The following CDHR1 variants were observed in gnomAD, a reference collection of about 807,000 sequenced individuals.
CDHR1 encodes the protein cadherin related family member 1.
A neutral mutation model predicts 72.1 loss-of-function variants in CDHR1; 61 were observed. The ratio of observed to expected loss-of-function variants is 0.85; its 90% CI spans 0.69 to 1.05. CDHR1 has a LOEUF of 1.05. CDHR1 is among the 50% of genes least tolerant of loss of function. CDHR1 has a pLI of 0.00. For synonymous variants in CDHR1, 470 were observed against 448.1 expected (o/e 1.05, Z -0.62); for missense variants, 1,186 against 1,115.7 (o/e 1.06, Z -0.90).
intron 10 of CDHR1, 81 bp downstream of exon 10, chr10:84,206,008 T>C: frequency 9.7e-7 from 1 of 1,028,846 alleles, no homozygotes; most frequent in East Asian, 2.4e-5. Context: ...AGGCCCTTTT[T>C]CCTGGGGCCC....
chr10:84,219,060 T>A (rs1361890728), downstream of CDHR1: 4 of 851,974 alleles, frequency 4.7e-6, no homozygotes, highest in Non-Finnish European at 7.4e-6. Flanking sequence ...TAATGTACTA[T>A]TATTATTCTA....
chr10:84,195,355 G>T (rs576062038), intron 1 of CDHR1, 139 bp from the exon 2 acceptor site: 2 of 798,884 alleles, frequency 2.5e-6, no homozygotes, highest in East Asian at 2.7e-5. Flanking sequence ...GGGTCCCTCG[G>T]TGCACTTGGG....
chr10:84,204,911 A>C (rs1434212706), intron 9 of CDHR1, among the ~76,000 whole-genome samples: 5 of 152,162 alleles, frequency 3.3e-5, no homozygotes, highest in Admixed American at 3.3e-4. Context: ...AACATTTCTC[A>C]CACTTTTTAA....
chr10:84,212,999 A>G, intron 15 of CDHR1, 92 bp from the exon 16 acceptor site: 1 of 1,519,236 alleles, frequency 6.6e-7, no homozygotes, highest in Non-Finnish European at 9.1e-7. Context: ...TTTCCCATCA[A>G]CCCAGCAAGC....
rs1842463244 is a variant in CDHR1, at chr10:84,218,635, GC to G, written c.*4016del. 1.0e-6 allele frequency: 1 copy of G among 985,724 alleles called. No homozygotes were observed. Among genetic ancestry groups the G allele is most frequent in the African/African-American group, 1.7e-5 (1 of 57,246 alleles). 61.1% of individuals were successfully genotyped at this position (985,724 alleles called of 1,614,324 possible). Reference sequence around the variant, plus strand: ...AATGTCTCCTCAATCAAAGGCATTTGCCTTAAACTTGTATGGTCTAAACTCT... The same window carrying G: ...AATGTCTCCTCAATCAAAGGCATTTGCTTAAACTTGTATGGTCTAAACTCT... On this transcript the variant is annotated 3_prime_UTR_variant, in exon 17 of 17. Coordinates refer to ENST00000623527, the MANE Select transcript of CDHR1 (RefSeq NM_033100.4).
At position 84,212,324 on chromosome 10, in the gene CDHR1, C is replaced by A; in HGVS notation, c.1699C>A (p.Leu567Met). Residue 567 changes from leucine to methionine, a missense_variant, in exon 15 of 17, where the codon CTG becomes ATG. Transcript: ENST00000623527. The stretch of plus-strand genomic sequence containing the variant: ...CGTAGCTGAGGTGTTTATCACACTG[C>A]TGGATGTCAATGACCACCCCCCTCA... ...YSVAEVFITL[L>M]DVNDHPPQFG... 6.2e-7 allele frequency: 1 copy of A among 1,614,230 alleles called. No homozygotes were observed. Among genetic ancestry groups the A allele is most frequent in the Admixed American group, 1.7e-5 (1 of 60,026 alleles).
intron 8 of CDHR1, 52 bp from the exon 9 acceptor site, chr10:84,204,475 G>A (rs779248066): frequency 2.1e-4 from 269 of 1,252,968 alleles, no homozygotes; most frequent in Admixed American, 4.7e-4. Flanking sequence ...GTTTGGGGAG[G>A]GGAGGGTCCC....
In CDHR1 at chr10:84,218,388, G is replaced by T. The variant is rs926667236; in HGVS notation, c.*3767G>T. On this transcript the variant is annotated 3_prime_UTR_variant, in exon 17 of 17. Coordinates refer to ENST00000623527, the MANE Select transcript of CDHR1 (RefSeq NM_033100.4). Reference sequence around the variant, plus strand: ...TGTACCCCTTTTGAGGCCTGAATGAGGTTCGGTTATTTATTCATTTCTCAA... The same window carrying T: ...TGTACCCCTTTTGAGGCCTGAATGATGTTCGGTTATTTATTCATTTCTCAA... 11 of 985,252 alleles carry T rather than the reference G, an allele frequency of 1.1e-5. No individual in the cohort carries two copies. The African/African-American group carries it at 1.4e-4, about 13-fold the overall frequency. The allele number at this position is 985,252 out of a possible 1,614,324, so 61.0% of individuals were successfully genotyped here.
chr10:84,214,333 T>C lies in CDHR1; in HGVS notation c.2292T>C (p.Ala764=), dbSNP rs886047330. ...TCAAGTCCAAGAGCACCAAAGCCGC[T>C]ACCAAGTTCATGCTCAAAGAGAAAC... is the stretch of plus-strand genomic sequence containing the variant. ...EWLKSKSTKA[A]TKFMLKEKPP... Residue 764 remains alanine (A), a synonymous_variant, in exon 17 of 17, where the codon GCT becomes GCC. Coordinates refer to ENST00000623527, the MANE Select transcript of CDHR1 (RefSeq NM_033100.4). 5.0e-6 allele frequency: 8 copies of C among 1,614,172 alleles called. No individual in the cohort carries two copies. The highest frequency in any genetic ancestry group is 6.8e-6 in the Non-Finnish European group (8 of 1,180,048).
chr10:84,214,610 G>C lies in CDHR1; in HGVS notation c.2569G>C (p.Ala857Pro), dbSNP rs775515452. 3.1e-6 allele frequency: 5 copies of C among 1,599,670 alleles called. No individual in the cohort carries two copies. Among genetic ancestry groups the C allele is most frequent in the African/African-American group, 2.7e-5 (2 of 74,900 alleles). ...KFEKKSVHNK[A>P]YF ...TGAGAAGAAGAGTGTGCACAACAAGGCTTACTTCTAGTGTATGCCCTATGA... is the reference window on the plus strand; with the variant it reads ...TGAGAAGAAGAGTGTGCACAACAAGCCTTACTTCTAGTGTATGCCCTATGA... Residue 857 changes from alanine to proline, a missense_variant, in exon 17 of 17, where the codon GCT (alanine) becomes CCT (proline). Physicochemically the swap from Ala to Pro is conservative, Grantham distance 27. Coordinates refer to ENST00000623527, the MANE Select transcript of CDHR1 (RefSeq NM_033100.4).
chr10:84,200,628 A>T lies in CDHR1; in HGVS notation c.466A>T (p.Lys156Ter). ...EDIPAGSIIF[K>*]VHAVDRDTGS... ...CATACCTGCTGGGAGCATCATCTTT[A>T]AGGTCCATGCAGTGGACAGGGACAC... The change falls in exon 6 of 17, where the codon AAG becomes TAG. Residue 156 changes from lysine (K) to a stop codon, truncating the protein, a stop_gained. Coordinates refer to ENST00000623527, the MANE Select transcript of CDHR1 (RefSeq NM_033100.4). LOFTEE classifies it high-confidence loss of function. The T allele has an allele frequency of 6.2e-7, 1 of 1,612,168 alleles. No homozygotes were observed. The highest frequency in any genetic ancestry group is 8.5e-7 in the Non-Finnish European group (1 of 1,179,178).
chr10:84,212,451 A>G (rs1192917648), intron 15 of CDHR1, 44 bp downstream of exon 15: 1 of 1,505,228 alleles, frequency 6.6e-7, no homozygotes, highest in Non-Finnish European at 9.2e-7. Context: ...GCCTGGGTCC[A>G]GCAGCTCCAA....
downstream of CDHR1, chr10:84,219,156 C>T (rs776907477): frequency 2.7e-5 from 42 of 1,549,438 alleles, 2 homozygotes; most frequent in South Asian, 4.7e-4. Flanking sequence ...AATTTAAGCC[C>T]AAGAAACCAC....
In CDHR1 at chr10:84,217,836, G is replaced by A. The variant is rs986677057; in HGVS notation, c.*3215G>A. The A allele has an allele frequency of 4.7e-5, 46 of 985,306 alleles. No homozygotes were observed. The African/African-American group carries it at 5.9e-4, about 13-fold the overall frequency. 61.0% of individuals were successfully genotyped at this position (985,306 alleles called of 1,614,324 possible). ...CACAGCATCTGTGGCCTGTGTAGCC[G>A]GCAGCCTGCATTTGGGCGTTGACAT... On this transcript the variant is annotated 3_prime_UTR_variant, in exon 17 of 17. Transcript: ENST00000623527.
At position 84,195,539 on chromosome 10, in the gene CDHR1, G is replaced by A; in HGVS notation, c.101G>A (p.Ser34Asn). 6.2e-7 allele frequency: 1 copy of A among 1,614,160 alleles called. No homozygotes were observed. The highest frequency in any genetic ancestry group is 1.7e-5 in the Admixed American group (1 of 60,034). The change falls in exon 2 of 17, where the codon AGC (serine) becomes AAC (asparagine). Residue 34 changes from serine to asparagine, a missense_variant. Coordinates refer to ENST00000623527, the MANE Select transcript of CDHR1 (RefSeq NM_033100.4). ...APHFFDNGVG[S>N]TNGNMALFSL... is the part of the protein sequence containing the mutation. ...CACTTCTTCGACAACGGGGTCGGCAGCACCAACGGAAACATGGCTCTGTTC... is the reference window on the plus strand; with the variant it reads ...CACTTCTTCGACAACGGGGTCGGCAACACCAACGGAAACATGGCTCTGTTC...
Position 84,217,958 on chromosome 10 carries a change from A to T in CDHR1, c.*3337A>T. On this transcript the variant is annotated 3_prime_UTR_variant, in exon 17 of 17. Coordinates refer to ENST00000623527, the MANE Select transcript of CDHR1 (RefSeq NM_033100.4). ...AGAATCCTGCTAGAAAAGTGTGATC[A>T]GAGCTGGGAAGGAGCCACCATGCTC... The T allele has an allele frequency of 5.1e-6, 5 of 985,468 alleles. No individual in the cohort carries two copies. In the African/African-American group the frequency reaches 7.0e-5, roughly 14 times the overall value. The allele number at this position is 985,468 out of a possible 1,614,324, so 61.0% of individuals were successfully genotyped here.
In CDHR1 at chr10:84,218,366, A is replaced by G. The variant is rs1217361246; in HGVS notation, c.*3745A>G. The G allele has an allele frequency of 2.0e-6, 2 of 985,226 alleles. No individual in the cohort carries two copies. Among genetic ancestry groups the G allele is most frequent in the Non-Finnish European group, 2.4e-6 (2 of 829,928 alleles). The allele number at this position is 985,226 out of a possible 1,614,324, so 61.0% of individuals were successfully genotyped here. ...TGATGTTATAAAATCGTGCACATGT[A>G]CCCCTTTTGAGGCCTGAATGAGGTT... is the stretch of plus-strand genomic sequence containing the variant. On this transcript the variant is annotated 3_prime_UTR_variant, in exon 17 of 17. Transcript: ENST00000623527.
intron 10 of CDHR1, among the ~76,000 whole-genome samples, chr10:84,206,172 C>T (rs1044777104): frequency 1.3e-4 from 18 of 142,970 alleles, no homozygotes; most frequent in South Asian, 2.6e-4. Context: ...CTGCCAGAGG[C>T]GGGCATTGGG....
rs758703125 is a variant in CDHR1 at position 84,194,764 on chromosome 10, A to C, written c.4A>C (p.Arg2=). ...GACACTCCGCGCCGGCGGAGACATG[A>C]GGCGCTGCCGGTGGGCCGCCCTGGC... M[R]RCRWAALALG... The change falls in exon 1 of 17, where the codon AGG becomes CGG. Residue 2 remains arginine, a synonymous_variant. Coordinates refer to ENST00000623527, the MANE Select transcript of CDHR1 (RefSeq NM_033100.4). 8.6e-6 allele frequency: 13 copies of C among 1,519,760 alleles called. No individual in the cohort carries two copies. In the South Asian group the frequency reaches 1.6e-4, roughly 18 times the overall value. 94.1% of individuals were successfully genotyped at this position (1,519,760 alleles called of 1,614,324 possible).
Sources: allele counts gnomAD v4.1 joint callset (sites outside exome capture counted in the v4.1 genomes callset), GRCh38; gene constraint gnomAD v4.1.1; transcripts MANE v1.5; gene names NCBI Gene and HGNC (gene_info 2026-07-23, HGNC 2026-07-21).